The following NALF1 variants were observed in gnomAD, a reference collection of about 807,000 sequenced individuals.
NALF1 encodes family with sequence similarity 155 member A.
Under a neutral mutation model 48.4 loss-of-function variants are expected in NALF1, and 3 were observed. The ratio of observed to expected loss-of-function variants is 0.06; its 90% CI spans 0.03 to 0.16. NALF1 has a LOEUF of 0.16. NALF1 is among the 10% of genes least tolerant of loss of function. The probability of loss-of-function intolerance (pLI) is 1.00; values close to 1 mark genes in which losing one functional copy is unlikely to be tolerated. For missense variants in NALF1, 526 were observed against 571.5 expected, an observed-to-expected ratio of 0.92 and a Z score of 0.81; for synonymous variants, 262 against 245.7, an observed-to-expected ratio of 1.07 and a Z score of -0.62.
intron 1 of NALF1, among the ~76,000 whole-genome samples, chr13:107,403,824 T>C (rs562586594): frequency 6.6e-6 from 1 of 152,136 alleles, no homozygotes; most frequent in South Asian, 2.1e-4. Flanking sequence ...TCTTCTTTCT[T>C]CACATAACCA....
rs577243399 is a variant in NALF1 at position 107,740,654 on chromosome 13, A to T, written c.915+125028T>A. Among the ~76,000 whole-genome samples, 192 of 152,326 alleles carry T rather than the reference A, an allele frequency of 1.3e-3. 2 individuals carry two copies. Among genetic ancestry groups the T allele is most frequent in the Non-Finnish European group, 2.3e-3 (159 of 68,034 alleles). On this transcript the variant is annotated intron_variant, in intron 1 of 2. Coordinates refer to ENST00000375915, the MANE Select transcript of NALF1 (RefSeq NM_001080396.3). ...TTTTTCCATAAATCAAATTATTAGT[A>T]AGCTAGGACACTTCTAGATATTACT...
chr13:107,762,920 T>C (rs1166556048), intron 1 of NALF1, among the ~76,000 whole-genome samples: 6 of 152,106 alleles, frequency 3.9e-5, no homozygotes, highest in African/African-American at 1.4e-4. Context: ...TGATGAGAAA[T>C]AATTAGAAGC....
At chr13:107,712,882 G>A (rs1254342859) in intron 1 of NALF1, among the ~76,000 whole-genome samples, 1 of 152,202 alleles carries the variant, frequency 6.6e-6, no homozygotes, top group Non-Finnish European at 1.5e-5. Context: ...AAAGACAGAA[G>A]CTGACTTCGC....
chr13:107,236,291 C>A (rs576744222), intron 1 of NALF1, among the ~76,000 whole-genome samples: 1 of 152,094 alleles, frequency 6.6e-6, no homozygotes, highest in Non-Finnish European at 1.5e-5. Context: ...CAGCAAAGTA[C>A]CAAAATTTCT....
chr13:107,639,265 A>G (rs1261751103), intron 1 of NALF1, among the ~76,000 whole-genome samples: 1 of 152,154 alleles, frequency 6.6e-6, no homozygotes, highest in African/African-American at 2.4e-5. Flanking sequence ...TATGGCCTGC[A>G]AGCTGCAGCC....
At chr13:107,860,987 G>A (rs1298836186) in intron 1 of NALF1, among the ~76,000 whole-genome samples, 1 of 152,126 alleles carries the variant, frequency 6.6e-6, no homozygotes, top group African/African-American at 2.4e-5. Context: ...TACCTATGTA[G>A]CCACTAGTTT....
At chr13:107,386,478 C>T (rs1018664521) in intron 1 of NALF1, among the ~76,000 whole-genome samples, 9 of 152,150 alleles carry the variant, frequency 5.9e-5, no homozygotes, top group African/African-American at 2.2e-4. Context: ...TATTCATTCT[C>T]TAGAATGCCA....
At chr13:107,701,906 C>T (rs1242934112) in intron 1 of NALF1, among the ~76,000 whole-genome samples, 1 of 152,088 alleles carries the variant, frequency 6.6e-6, no homozygotes, top group Non-Finnish European at 1.5e-5. Flanking sequence ...AAAATGAGCT[C>T]ACTTTAATGC....
chr13:107,292,443 T>G (rs1476723969), intron 1 of NALF1, among the ~76,000 whole-genome samples: 1 of 150,408 alleles, frequency 6.6e-6, no homozygotes, highest in African/African-American at 2.4e-5. Flanking sequence ...ACAAAATATT[T>G]TCTGTCTTTA....
In NALF1 at chr13:107,726,229, T is replaced by A. The variant is rs535322001; in HGVS notation, c.915+139453A>T. 4.9e-4 allele frequency among the ~76,000 whole-genome samples: 75 copies of A among 152,352 alleles called. No homozygotes were observed. In the East Asian group the frequency reaches 9.5e-3, roughly 19 times the overall value. Reference sequence around the variant, plus strand: ...GATGTGCAAAAATGCAACTCTCTTATGTTTTTTATTTTACCAGTAGTGACA... The same window carrying A: ...GATGTGCAAAAATGCAACTCTCTTAAGTTTTTTATTTTACCAGTAGTGACA... On this transcript the variant is annotated intron_variant, in intron 1 of 2. Coordinates refer to ENST00000375915, the MANE Select transcript of NALF1 (RefSeq NM_001080396.3).
chr13:107,863,719 A>C (rs1880637902), intron 1 of NALF1, among the ~76,000 whole-genome samples: 1 of 152,214 alleles, frequency 6.6e-6, no homozygotes, highest in African/African-American at 2.4e-5. Flanking sequence ...AAATGAGTTA[A>C]CTTACACTAT....
intron 1 of NALF1, among the ~76,000 whole-genome samples, chr13:107,817,792 CCT>C (rs1368838596): frequency 1.3e-5 from 2 of 152,146 alleles, no homozygotes; most frequent in African/African-American, 4.8e-5. Flanking sequence ...TCCAAAGGGC[CCT>C]CTCTTTGTGA....
intron 1 of NALF1, among the ~76,000 whole-genome samples, chr13:107,353,211 C>G (rs1882905930): frequency 6.6e-6 from 1 of 152,202 alleles, no homozygotes; most frequent in African/African-American, 2.4e-5. Context: ...CACTCTGTCA[C>G]TTTCCCTCCT....
At chr13:107,674,085 T>C (rs953409629) in intron 1 of NALF1, among the ~76,000 whole-genome samples, 3 of 151,978 alleles carry the variant, frequency 2.0e-5, no homozygotes, top group Non-Finnish European at 4.4e-5. Flanking sequence ...AGTTCCAGCA[T>C]AGATTTTAAT....
chr13:107,437,836 T>C (rs538120246), intron 1 of NALF1, among the ~76,000 whole-genome samples: 1 of 152,298 alleles, frequency 6.6e-6, no homozygotes, highest in South Asian at 2.1e-4. Flanking sequence ...ACCACTTCAT[T>C]TAATATACAT....
intron 1 of NALF1, among the ~76,000 whole-genome samples, chr13:107,478,836 C>T (rs994111931): frequency 2.6e-5 from 4 of 151,966 alleles, no homozygotes; most frequent in Admixed American, 2.6e-4. Context: ...TATTATGTAA[C>T]GTATTACAGA....
intron 1 of NALF1, among the ~76,000 whole-genome samples, chr13:107,355,509 T>G (rs1257578337): frequency 6.6e-6 from 1 of 152,082 alleles, no homozygotes; most frequent in South Asian, 2.1e-4. Context: ...CTCATTACAA[T>G]AGAATTGTAG....
rs750302470 is a variant in NALF1 at position 107,866,159 on chromosome 13, G to A, written c.438C>T (p.Asn146=). ...CCTTGCCCCGGTCGTCTTTGCCTCG[G>A]TTGCCCTTGCCGCCGCCGCCGCCGC... is the stretch of plus-strand genomic sequence containing the variant. ...GDGGGGGGKG[N]RGKDDRGKAL... The change falls in exon 1 of 3, where the codon AAC becomes AAT. Residue 146 remains asparagine, a synonymous_variant. Coordinates refer to ENST00000375915, the MANE Select transcript of NALF1 (RefSeq NM_001080396.3). This position sits in a 1 kb window ranked among gnomAD's most constrained non-coding sequence, Gnocchi z 4.4. 2 of 1,607,944 alleles carry A rather than the reference G, an allele frequency of 1.2e-6. No homozygotes were observed. The highest frequency in any genetic ancestry group is 1.7e-6 in the Non-Finnish European group (2 of 1,177,666).
At chr13:107,465,331 A>G (rs374984092) in intron 1 of NALF1, among the ~76,000 whole-genome samples, 8 of 127,846 alleles carry the variant, frequency 6.3e-5, no homozygotes, top group Non-Finnish European at 1.2e-4. Flanking sequence ...ATATATATAT[A>G]TATGTCTCTT....
Sources: allele counts gnomAD v4.1 joint callset (sites outside exome capture counted in the v4.1 genomes callset), GRCh38; gene constraint gnomAD v4.1.1; non-coding constraint Gnocchi (gnomAD v3.1); transcripts MANE v1.5; gene names NCBI Gene and HGNC (gene_info 2026-07-23, HGNC 2026-07-21).